KCNQ3: variants seen among roughly 807,000 people sequenced by gnomAD.
KCNQ3 encodes potassium voltage-gated channel subfamily Q member 3.
In KCNQ3, 30 loss-of-function variants were observed where a neutral mutation model predicts 92.5. The observed-to-expected ratio is 0.32, with a 90% CI of 0.24 to 0.44. KCNQ3 has a LOEUF of 0.44. KCNQ3 is among the 20% of genes least tolerant of loss of function. KCNQ3 has a pLI of 1.00. For missense variants in KCNQ3, 913 were observed against 1,140.3 expected (o/e 0.80, Z 2.87); for synonymous variants, 450 against 468.8 (o/e 0.96, Z 0.52).
chr8:132,151,762 G>A (rs935846756), intron 9 of KCNQ3, among the ~76,000 whole-genome samples: 2 of 152,126 alleles, frequency 1.3e-5, no homozygotes, highest in Non-Finnish European at 2.9e-5. Flanking sequence ...TCAAAACTGT[G>A]TTTCCTGATA....
At chr8:132,213,395 A>T (rs1813925259) in intron 1 of KCNQ3, among the ~76,000 whole-genome samples, 1 of 152,174 alleles carries the variant, frequency 6.6e-6, no homozygotes, top group African/African-American at 2.4e-5. Flanking sequence ...GGGAAAAAGG[A>T]TTCTGGCTTA....
intron 1 of KCNQ3, among the ~76,000 whole-genome samples, chr8:132,448,709 T>C (rs1030577328): frequency 6.6e-6 from 1 of 152,138 alleles, no homozygotes; most frequent in African/African-American, 2.4e-5. Flanking sequence ...TCTGTGCCAT[T>C]TGGATTTCAT....
At chr8:132,368,676 A>C (rs909733915) in intron 1 of KCNQ3, among the ~76,000 whole-genome samples, 2 of 152,130 alleles carry the variant, frequency 1.3e-5, no homozygotes, top group Non-Finnish European at 2.9e-5. Flanking sequence ...AGAAAAGAAA[A>C]ATATTTTAAA....
intron 13 of KCNQ3, 148 bp downstream of exon 13, chr8:132,134,142 A>G: frequency 2.9e-6 from 2 of 693,904 alleles, no homozygotes; most frequent in Non-Finnish European, 5.3e-6. Flanking sequence ...AATGGCCACC[A>G]ACTGAAACAA....
chr8:132,254,168 G>A (rs563053724), intron 1 of KCNQ3, among the ~76,000 whole-genome samples: 1 of 152,336 alleles, frequency 6.6e-6, no homozygotes, highest in African/African-American at 2.4e-5. Flanking sequence ...TGACTCATGT[G>A]CCCATGGAAG....
chr8:132,183,563 G>A (rs1826862794), intron 3 of KCNQ3, among the ~76,000 whole-genome samples: 1 of 152,130 alleles, frequency 6.6e-6, no homozygotes, highest in Admixed American at 6.5e-5. Context: ...AGGAGATTTT[G>A]TCCTGCAACT....
At chr8:132,341,869 C>T (rs1357925434) in intron 1 of KCNQ3, among the ~76,000 whole-genome samples, 1 of 152,220 alleles carries the variant, frequency 6.6e-6, no homozygotes, top group African/African-American at 2.4e-5. Flanking sequence ...AAAAATAATT[C>T]ATGAGTCATT....
At chr8:132,426,940 G>A (rs1821128837) in intron 1 of KCNQ3, among the ~76,000 whole-genome samples, 1 of 152,132 alleles carries the variant, frequency 6.6e-6, no homozygotes, top group African/African-American at 2.4e-5. Flanking sequence ...CATCATATGT[G>A]TTATTATTAT....
At chr8:132,193,080 G>A (rs1410111058) in intron 1 of KCNQ3, among the ~76,000 whole-genome samples, 1 of 151,750 alleles carries the variant, frequency 6.6e-6, no homozygotes, top group Non-Finnish European at 1.5e-5. Flanking sequence ...TCCTTCCTCT[G>A]CGCCTTGCCC....
chr8:132,148,783 G>C (rs1449348864), intron 9 of KCNQ3, among the ~76,000 whole-genome samples: 2 of 152,286 alleles, frequency 1.3e-5, no homozygotes, highest in Middle Eastern at 3.4e-3. Context: ...GGAGATTGGA[G>C]CTCCTGGTTC....
intron 1 of KCNQ3, among the ~76,000 whole-genome samples, chr8:132,313,906 A>T (rs989013): frequency 6.6e-6 from 1 of 152,188 alleles, no homozygotes; most frequent in South Asian, 2.1e-4. Context: ...GTTCCCAGCC[A>T]AATCTCCACA....
rs1426981669 is a variant in KCNQ3 at position 132,362,128 on chromosome 8, T to TC, written c.386+118018_386+118019insG. ...GATAGTGCTTTATATTCTTTCTGCA[T>TC]GTGGCTTGACGATTTTCTTTAGCAA... is the stretch of plus-strand genomic sequence containing the variant. On this transcript the variant is annotated intron_variant, in intron 1 of 14. Transcript: ENST00000388996. Among the ~76,000 whole-genome samples, 563 of 152,332 alleles carry TC rather than the reference T, an allele frequency of 3.7e-3. 2 individuals are homozygous for TC. Among genetic ancestry groups the TC allele is most frequent in the African/African-American group, 0.012 (518 of 41,580 alleles).
At chr8:132,184,692 G>T (rs950863644) in intron 2 of KCNQ3, among the ~76,000 whole-genome samples, 4 of 152,132 alleles carry the variant, frequency 2.6e-5, no homozygotes, top group African/African-American at 9.7e-5. Context: ...TGAATGAAAA[G>T]CCCCCAAGAA....
At chr8:132,297,540 C>A (rs575705092) in intron 1 of KCNQ3, among the ~76,000 whole-genome samples, 4 of 152,268 alleles carry the variant, frequency 2.6e-5, no homozygotes, top group Admixed American at 6.5e-5. Flanking sequence ...GAGCCTTTCC[C>A]ACTACAGCAC....
chr8:132,309,960 GT>G (rs1817542589), intron 1 of KCNQ3, among the ~76,000 whole-genome samples: 1 of 152,138 alleles, frequency 6.6e-6, no homozygotes, highest in South Asian at 2.1e-4. Context: ...TTTAGGTATT[GT>G]TTTAAATCAA....
intron 1 of KCNQ3, among the ~76,000 whole-genome samples, chr8:132,250,509 CAT>C (rs145266323): frequency 0.044 from 6,633 of 152,186 alleles, 191 homozygotes; most frequent in African/African-American, 0.073. Context: ...TTAAATATTT[CAT>C]AGTCTTAATT....
At chr8:132,334,165 C>G (rs1818303299) in intron 1 of KCNQ3, among the ~76,000 whole-genome samples, 1 of 152,072 alleles carries the variant, frequency 6.6e-6, no homozygotes, top group East Asian at 1.9e-4. Flanking sequence ...AGGTTGCTTC[C>G]AATTTTCTTA....
chr8:132,146,648 C>A (rs897304241), intron 9 of KCNQ3, among the ~76,000 whole-genome samples: 1 of 150,568 alleles, frequency 6.6e-6, no homozygotes, highest in Non-Finnish European at 1.5e-5. Context: ...GGCTGGAATG[C>A]AATGGTGTCA....
chr8:132,336,903 T>C (rs1345061022), intron 1 of KCNQ3, among the ~76,000 whole-genome samples: 1 of 152,184 alleles, frequency 6.6e-6, no homozygotes, highest in Non-Finnish European at 1.5e-5. Context: ...ACCTAGCCAA[T>C]GGGCCTCTAC....
Sources: gnomAD v4.1 joint callset for allele counts (sites outside exome capture counted in the v4.1 genomes callset) on GRCh38, gnomAD v4.1.1 for gene constraint, MANE v1.5 for transcripts, NCBI Gene and HGNC (gene_info 2026-07-23, HGNC 2026-07-21) for gene names.